The following XRCC5 variants were observed in gnomAD, a reference collection of about 807,000 sequenced individuals.
XRCC5 encodes X-ray repair cross complementing 5, also known as DNA repair protein Ku80.
A neutral mutation model predicts 95.7 loss-of-function variants in XRCC5; 12 were observed. The observed-to-expected ratio is 0.13, with a 90% CI of 0.08 to 0.20. The LOEUF is 0.20. Among genes scored for constraint, XRCC5 ranks in the 10% least tolerant of loss-of-function variants. The pLI, the probability that XRCC5 is intolerant of heterozygous loss-of-function variation, is 1.00. For missense variants in XRCC5, 595 were observed against 873.9 expected (o/e 0.68, Z 4.02); for synonymous variants, 281 against 290.3 (o/e 0.97, Z 0.33).
chr2:216,126,160 C>T, intron 7 of XRCC5, 129 bp downstream of exon 7: 1 of 693,734 alleles, frequency 1.4e-6, no homozygotes, highest in Non-Finnish European at 2.4e-6. Flanking sequence ...GTTCTCCCTG[C>T]TCATTTAATC....
rs1242154151 is a variant in XRCC5 at position 216,205,572 on chromosome 2, T to G, written c.*370T>G. On this transcript the variant is annotated 3_prime_UTR_variant, in exon 21 of 21. Coordinates refer to ENST00000392132, the MANE Select transcript of XRCC5 (RefSeq NM_021141.4). ...CTTGTGATGTGATTAGTGTCTCATG[T>G]GGAACCATGGCATGGTTATTGATGA... 3 of 205,710 alleles carry G rather than the reference T, an allele frequency of 1.5e-5. No individual in the cohort carries two copies. The highest frequency in any genetic ancestry group is 2.9e-5 in the Non-Finnish European group (3 of 102,264). 12.7% of individuals were successfully genotyped at this position (205,710 alleles called of 1,614,324 possible).
Position 216,192,502 on chromosome 2 carries a change from C to A in XRCC5, c.1945-137C>A. 1.2e-5 allele frequency: 6 copies of A among 501,574 alleles called. No homozygotes were observed. In the South Asian group the frequency reaches 2.8e-4, roughly 24 times the overall value. The allele number at this position is 501,574 out of a possible 1,614,324, so 31.1% of individuals were successfully genotyped here. On this transcript the variant is annotated intron_variant, in intron 17 of 20. Coordinates refer to ENST00000392132, the MANE Select transcript of XRCC5 (RefSeq NM_021141.4). ...CACCTCAGTTTGGAATGCCAGCTTC[C>A]CATGTACCAAAGAAGAACATTTTAT... is the stretch of plus-strand genomic sequence containing the variant.
At chr2:216,180,079 G>C (rs1194875825) in intron 16 of XRCC5, among the ~76,000 whole-genome samples, 2 of 152,220 alleles carry the variant, frequency 1.3e-5, no homozygotes, top group Admixed American at 1.3e-4. Flanking sequence ...CATTTGCTGA[G>C]AAGGAGAAGA....
intron 14 of XRCC5, among the ~76,000 whole-genome samples, chr2:216,157,724 TG>T (rs1173465618): frequency 1.3e-5 from 2 of 152,194 alleles, no homozygotes; most frequent in Non-Finnish European, 2.9e-5. Context: ...GCTAAATAAG[TG>T]AATTGCAAAA....
chr2:216,127,221 T>C (rs956423750), intron 7 of XRCC5, among the ~76,000 whole-genome samples: 9 of 152,118 alleles, frequency 5.9e-5, no homozygotes, highest in African/African-American at 1.2e-4. Context: ...ACCTGAGCGA[T>C]AGAGCAAGAC....
Position 216,128,648 on chromosome 2 carries a change from G to A in XRCC5, c.937+974G>A, listed in dbSNP as rs139424297. ...TGACTGGCTCATAGTAGGAAGAATA[G>A]CATGATTAAAGCCACAAGACCTGGA... On this transcript the variant is annotated intron_variant, in intron 8 of 20. Coordinates refer to ENST00000392132, the MANE Select transcript of XRCC5 (RefSeq NM_021141.4). Among the ~76,000 whole-genome samples, 12 of 152,284 alleles carry A rather than the reference G, an allele frequency of 7.9e-5. No homozygotes were observed. In the East Asian group the frequency reaches 1.9e-3, roughly 24 times the overall value.
At chr2:216,159,915 C>T (rs1356687591) in intron 14 of XRCC5, among the ~76,000 whole-genome samples, 153 bp from the exon 15 acceptor site, 2 of 151,750 alleles carry the variant, frequency 1.3e-5, no homozygotes, top group African/African-American at 2.4e-5. Flanking sequence ...CTACATGTAG[C>T]TATTGTTTTT....
At chr2:216,185,055 G>C (rs947122352) in intron 16 of XRCC5, among the ~76,000 whole-genome samples, 13 of 152,116 alleles carry the variant, frequency 8.5e-5, no homozygotes, top group Non-Finnish European at 1.2e-4. Context: ...TTTCTATGTT[G>C]GGTAGCATCT....
At chr2:216,128,164 T>C (rs1231702976) in intron 8 of XRCC5, among the ~76,000 whole-genome samples, 1 of 152,222 alleles carries the variant, frequency 6.6e-6, no homozygotes. Flanking sequence ...TCCTATGTTA[T>C]ACCCATTTGG....
At chr2:216,170,515 TTAAA>T (rs1689141950) in intron 16 of XRCC5, among the ~76,000 whole-genome samples, 2 of 151,810 alleles carry the variant, frequency 1.3e-5, no homozygotes, top group Non-Finnish European at 2.9e-5. Context: ...AGAGACACTT[TTAAA>T]CCATGAGATA....
At chr2:216,199,433 T>A (rs993595011) in intron 19 of XRCC5, among the ~76,000 whole-genome samples, 1 of 152,176 alleles carries the variant, frequency 6.6e-6, no homozygotes, top group Non-Finnish European at 1.5e-5. Context: ...ATGGCGTGAG[T>A]TTAGACAGTC....
intron 19 of XRCC5, among the ~76,000 whole-genome samples, chr2:216,196,233 A>G (rs1689717885): frequency 6.6e-6 from 1 of 151,384 alleles, no homozygotes; most frequent in Non-Finnish European, 1.5e-5. Context: ...AAAAAAAAAA[A>G]ACTTGTCATC....
chr2:216,147,293 G>A (rs944939462), intron 13 of XRCC5, among the ~76,000 whole-genome samples: 1 of 152,178 alleles, frequency 6.6e-6, no homozygotes. Context: ...CGAAGCAGGA[G>A]CCCAGCCTAT....
chr2:216,185,845 G>A (rs1027281483), intron 16 of XRCC5, among the ~76,000 whole-genome samples: 6 of 151,916 alleles, frequency 3.9e-5, no homozygotes, highest in African/African-American at 1.5e-4. Flanking sequence ...GGCTGGTCTC[G>A]AACTCCTGAC....
chr2:216,192,650 GC>G lies in XRCC5; in HGVS notation c.1957del (p.Gln653SerfsTer7). The G allele has an allele frequency of 6.3e-7, 1 of 1,589,326 alleles. No individual in the cohort carries two copies. The highest frequency in any genetic ancestry group is 1.2e-5 in the South Asian group (1 of 85,882). ...ACTTGCTACCACAGTTTTCAGAAGA[GC>G]AGCGCTTTAACAACTTCCTGAAAGC... The part of the protein sequence containing the change: ...REEAIKFSEE[Q>X]RFNNFLKALQ... On this transcript the variant is annotated frameshift_variant, in exon 18 of 21. Coordinates refer to ENST00000392132, the MANE Select transcript of XRCC5 (RefSeq NM_021141.4). LOFTEE classifies it high-confidence loss of function.
At chr2:216,169,499 G>T (rs1479986570) in intron 16 of XRCC5, among the ~76,000 whole-genome samples, 2 of 152,212 alleles carry the variant, frequency 1.3e-5, no homozygotes, top group East Asian at 3.8e-4. Flanking sequence ...TCAGCATCTG[G>T]TAGAGCTGCA....
At chr2:216,148,732 C>T (rs1688685587) in intron 14 of XRCC5, among the ~76,000 whole-genome samples, 1 of 152,144 alleles carries the variant, frequency 6.6e-6, no homozygotes, top group Non-Finnish European at 1.5e-5. Context: ...ATCAATTCTT[C>T]AGCCGTTCTA....
chr2:216,171,895 A>C (rs1291719835), intron 16 of XRCC5, among the ~76,000 whole-genome samples: 2 of 152,230 alleles, frequency 1.3e-5, no homozygotes, highest in Non-Finnish European at 2.9e-5. Context: ...ATCTTCTACT[A>C]TAAAATATAC....
chr2:216,192,835 TATA>T, intron 18 of XRCC5, 100 bp downstream of exon 18: 1 of 796,958 alleles, frequency 1.3e-6, no homozygotes, highest in Non-Finnish European at 1.8e-6. Context: ...AACTGTATTG[TATA>T]ATGAGTTATG....
Sources: gnomAD v4.1 joint callset for allele counts (sites outside exome capture counted in the v4.1 genomes callset) on GRCh38, gnomAD v4.1.1 for gene constraint, MANE v1.5 for transcripts, NCBI Gene and HGNC (gene_info 2026-07-23, HGNC 2026-07-21) for gene names.